Variants in ADGRB3 observed in about 807,000 individuals in gnomAD.
ADGRB3 encodes the protein adhesion G protein-coupled receptor B3.
Under a neutral mutation model 193.4 loss-of-function variants are expected in ADGRB3, and 37 were observed. That is an observed-to-expected ratio of 0.19 (90% CI 0.15 to 0.25). The LOEUF is 0.25. ADGRB3 is among the 10% of genes least tolerant of loss of function. ADGRB3 has a pLI of 1.00. For missense variants in ADGRB3, 1,637 were observed against 1,852.9 expected (o/e 0.88, Z 2.14); for synonymous variants, 690 against 644.2 (o/e 1.07, Z -1.08).
chr6:69,381,025 G>A (rs188727769), intron 30 of ADGRB3, among the ~76,000 whole-genome samples: 18 of 151,302 alleles, frequency 1.2e-4, no homozygotes, highest in African/African-American at 4.1e-4. Flanking sequence ...AACTACAATA[G>A]TTTTTTTTTA....
At chr6:68,923,471 C>T (rs1043256622) in intron 3 of ADGRB3, among the ~76,000 whole-genome samples, 2 of 151,890 alleles carry the variant, frequency 1.3e-5, no homozygotes, top group South Asian at 4.1e-4. Context: ...GGTCAAGCAA[C>T]CATTAATCAA....
chr6:68,818,158 A>G (rs989083446), intron 3 of ADGRB3, among the ~76,000 whole-genome samples: 6 of 152,098 alleles, frequency 3.9e-5, no homozygotes, highest in African/African-American at 1.2e-4. Context: ...TAGAGCAGAA[A>G]GAATGTAAAC....
intron 3 of ADGRB3, among the ~76,000 whole-genome samples, chr6:68,682,287 AGCTTATTTTG>A (rs963230769): frequency 6.6e-6 from 1 of 152,234 alleles, no homozygotes; most frequent in African/African-American, 2.4e-5. Flanking sequence ...AAGTAATTTT[AGCTTATTTTG>A]TTTTACCTCC....
chr6:69,364,093 C>T (rs1769517161), intron 29 of ADGRB3, among the ~76,000 whole-genome samples: 1 of 151,940 alleles, frequency 6.6e-6, no homozygotes, highest in Non-Finnish European at 1.5e-5. Flanking sequence ...AGAGAACATC[C>T]AGCCTGGGCA....
chr6:69,074,052 A>G (rs921644323), intron 16 of ADGRB3, among the ~76,000 whole-genome samples: 2 of 152,182 alleles, frequency 1.3e-5, no homozygotes, highest in Admixed American at 6.5e-5. Context: ...TTTTCAATTT[A>G]TGACTAAATT....
intron 17 of ADGRB3, among the ~76,000 whole-genome samples, chr6:69,225,548 G>A (rs1208530597): frequency 2.0e-5 from 3 of 152,152 alleles, no homozygotes; most frequent in Non-Finnish European, 4.4e-5. Flanking sequence ...CCAGGTAGAT[G>A]TCCTTAGGAA....
intron 10 of ADGRB3, among the ~76,000 whole-genome samples, chr6:68,976,766 G>A (rs1768761097): frequency 6.6e-6 from 1 of 151,942 alleles, no homozygotes; most frequent in Non-Finnish European, 1.5e-5. Flanking sequence ...AGGAGGGGTT[G>A]GTCTTGCAGG....
At chr6:69,355,965 C>T (rs1769329649) in intron 28 of ADGRB3, 105 bp downstream of exon 28, 3 of 964,452 alleles carry the variant, frequency 3.1e-6, no homozygotes, top group Non-Finnish European at 3.1e-6. Context: ...ACATATTGTT[C>T]TGTGAAAGGG....
At position 69,106,164 on chromosome 6, in the gene ADGRB3, T is replaced by TAAAAA. The variant is rs61114782; in HGVS notation, c.2480+30141_2480+30145dup. 1.2e-3 allele frequency among the ~76,000 whole-genome samples: 108 copies of TAAAAA among 91,042 alleles called. 1 individual carries two copies. The highest frequency in any genetic ancestry group is 5.9e-3 in the Middle Eastern group (1 of 170). The allele number at this position is 91,042 out of a possible 152,430, so 59.7% of individuals were successfully genotyped here. ...ACAGGCTTTTTCTGTGAGACTGCGT[T>TAAAAA]AAAAAAAAAAAAAAAAAAAGAAAAG... On this transcript the variant is annotated intron_variant, in intron 17 of 31. Coordinates refer to ENST00000370598, the MANE Select transcript of ADGRB3 (RefSeq NM_001704.3).
intron 3 of ADGRB3, among the ~76,000 whole-genome samples, chr6:68,815,334 A>G (rs1767608556): frequency 6.6e-6 from 1 of 152,156 alleles, no homozygotes; most frequent in Non-Finnish European, 1.5e-5. Flanking sequence ...TTAGTTTTGA[A>G]TTCTTATATA....
chr6:69,226,728 G>A (rs1766023640), intron 17 of ADGRB3, among the ~76,000 whole-genome samples: 2 of 152,212 alleles, frequency 1.3e-5, no homozygotes, highest in East Asian at 1.9e-4. Context: ...GTTTCATCTG[G>A]TATAATTAAA....
rs1278418803 is a variant in ADGRB3, at chr6:69,014,081, A to G, written c.1973A>G (p.Lys658Arg). 2 of 1,605,708 alleles carry G rather than the reference A, an allele frequency of 1.2e-6. No individual in the cohort carries two copies. The highest frequency in any genetic ancestry group is 1.3e-5 in the African/African-American group (1 of 74,556). The stretch of plus-strand genomic sequence containing the variant: ...AGCAACCTTCTAGATGAAGAAAACA[A>G]GGAAAAATGGGAAGATGCACAACAG... ...IVSNLLDEEN[K>R]EKWEDAQQIY... The change falls in exon 12 of 32, where the codon AAG (lysine) becomes AGG (arginine). Residue 658 changes from lysine (K) to arginine (R), a missense_variant. Transcript: ENST00000370598.
At chr6:69,231,790 C>T (rs1766145734) in intron 17 of ADGRB3, among the ~76,000 whole-genome samples, 1 of 152,026 alleles carries the variant, frequency 6.6e-6, no homozygotes, top group South Asian at 2.1e-4. Flanking sequence ...TAACTCTCTT[C>T]GAATACAGTG....
intron 3 of ADGRB3, among the ~76,000 whole-genome samples, chr6:68,711,760 A>G (rs1448227518): frequency 6.6e-6 from 1 of 152,130 alleles, no homozygotes; most frequent in Non-Finnish European, 1.5e-5. Flanking sequence ...TGATTCATTC[A>G]TACTCATGGC....
At chr6:68,841,799 G>A (rs564472354) in intron 3 of ADGRB3, among the ~76,000 whole-genome samples, 63 of 152,096 alleles carry the variant, frequency 4.1e-4, no homozygotes, top group African/African-American at 1.4e-3. Context: ...TTATTTGTGG[G>A]AACTGAAAAT....
intron 3 of ADGRB3, among the ~76,000 whole-genome samples, chr6:68,653,430 A>G (rs576263845): frequency 1.3e-5 from 2 of 152,166 alleles, no homozygotes; most frequent in South Asian, 4.1e-4. Flanking sequence ...ATCCAGATGT[A>G]ATAAGGTGAT....
chr6:68,818,772 A>G (rs1156957485), intron 3 of ADGRB3, among the ~76,000 whole-genome samples: 1 of 152,104 alleles, frequency 6.6e-6, no homozygotes, highest in Non-Finnish European at 1.5e-5. Flanking sequence ...TGCCAATACA[A>G]AAATCTGAAA....
chr6:68,789,210 G>A (rs2127365508), intron 3 of ADGRB3, among the ~76,000 whole-genome samples: 1 of 152,150 alleles, frequency 6.6e-6, no homozygotes, highest in Admixed American at 6.5e-5. Flanking sequence ...ATGTTAGCTG[G>A]TTATTTTGCT....
chr6:68,785,674 T>A (rs998552053), intron 3 of ADGRB3, among the ~76,000 whole-genome samples: 8 of 152,254 alleles, frequency 5.3e-5, no homozygotes, highest in African/African-American at 1.4e-4. Flanking sequence ...ATATACACAG[T>A]AATGGGATGG....
Sources: allele counts gnomAD v4.1 joint callset (sites outside exome capture counted in the v4.1 genomes callset), GRCh38; gene constraint gnomAD v4.1.1; transcripts MANE v1.5; gene names NCBI Gene and HGNC (gene_info 2026-07-23, HGNC 2026-07-21).